FARS2: variants seen among roughly 807,000 people sequenced by gnomAD.
FARS2 encodes the protein phenylalanine--tRNA ligase, mitochondrial.
A neutral mutation model predicts 46.4 loss-of-function variants in FARS2; 40 were observed. That is an observed-to-expected ratio of 0.86 (90% confidence interval 0.67 to 1.12). The LOEUF is 1.12. Ranked by LOEUF, FARS2 falls within the 50% of genes most tolerant of loss-of-function variation. FARS2 has a pLI of 0.00. For missense variants in FARS2, 513 were observed against 567.9 expected (o/e 0.90, Z 0.98); for synonymous variants, 234 against 214.9 (o/e 1.09, Z -0.78).
At chr6:5,597,323 A>G in intron 5 of FARS2, among the ~76,000 whole-genome samples, 1 of 152,180 alleles carries the variant, frequency 6.6e-6, no homozygotes, top group East Asian at 1.9e-4. Flanking sequence ...ACTTTGGGCC[A>G]TGTTTGCCAA....
chr6:5,677,370 G>A (rs978947043), intron 6 of FARS2, among the ~76,000 whole-genome samples: 5 of 152,206 alleles, frequency 3.3e-5, no homozygotes, highest in African/African-American at 1.2e-4. Flanking sequence ...TCTCTGGCAA[G>A]GTACAAATGC....
At chr6:5,753,683 A>G (rs1762065421) in intron 6 of FARS2, among the ~76,000 whole-genome samples, 2 of 152,184 alleles carry the variant, frequency 1.3e-5, no homozygotes, top group Admixed American at 1.3e-4. Flanking sequence ...GATTTTTCCT[A>G]TGACCAGAGG....
chr6:5,705,440 A>T (rs1283643197), intron 6 of FARS2, among the ~76,000 whole-genome samples: 1 of 152,162 alleles, frequency 6.6e-6, no homozygotes, highest in Non-Finnish European at 1.5e-5. Context: ...ATGGCGCTTC[A>T]CACAGGTGGG....
Position 5,729,179 on chromosome 6 carries a change from A to C in FARS2, c.1218-42112A>C, listed in dbSNP as rs564308338. On this transcript the variant is annotated intron_variant, in intron 6 of 6. Transcript: ENST00000274680. The stretch of plus-strand genomic sequence containing the variant: ...GGAATCAATCTTCCTGCTGCAGGAA[A>C]GAGCCAGGCCCTGGGCAGCTGGTGT... Among the ~76,000 whole-genome samples, 7 of 152,354 alleles carry C rather than the reference A, an allele frequency of 4.6e-5. No homozygotes were observed. In the South Asian group the frequency reaches 1.2e-3, roughly 27 times the overall value.
At chr6:5,546,480 G>A (rs1038621202) in intron 5 of FARS2, among the ~76,000 whole-genome samples, 8 of 151,556 alleles carry the variant, frequency 5.3e-5, no homozygotes, top group Non-Finnish European at 8.8e-5. Context: ...TCAAACTCCT[G>A]ACCTTGTGAT....
chr6:5,532,806 A>G (rs1402565944), intron 4 of FARS2, among the ~76,000 whole-genome samples: 2 of 151,864 alleles, frequency 1.3e-5, no homozygotes, highest in Admixed American at 1.3e-4. Flanking sequence ...AAGAAGAAGA[A>G]GAAGAATGTT....
intron 6 of FARS2, among the ~76,000 whole-genome samples, chr6:5,724,992 C>A (rs1176419569): frequency 6.6e-6 from 1 of 152,224 alleles, no homozygotes; most frequent in Non-Finnish European, 1.5e-5. Context: ...AATAATCACA[C>A]AAAATTCTAA....
intron 1 of FARS2, among the ~76,000 whole-genome samples, chr6:5,341,332 C>G (rs1771637435): frequency 7.3e-6 from 1 of 137,826 alleles, no homozygotes; most frequent in South Asian, 2.4e-4. Flanking sequence ...TTTGACAGCT[C>G]CCCCCTCCCT....
intron 2 of FARS2, among the ~76,000 whole-genome samples, chr6:5,372,355 T>C (rs1561993007): frequency 2.0e-5 from 3 of 152,134 alleles, no homozygotes; most frequent in Non-Finnish European, 2.9e-5. Context: ...TACACAATTA[T>C]ATATGTATAT....
intron 1 of FARS2, among the ~76,000 whole-genome samples, chr6:5,347,542 A>G (rs959372657): frequency 8.6e-5 from 13 of 152,034 alleles, no homozygotes; most frequent in Non-Finnish European, 1.3e-4. Flanking sequence ...CATTTTATGA[A>G]TATACCACTG....
chr6:5,771,267 C>A (rs895849223), intron 6 of FARS2, 24 bp from the exon 7 acceptor site: 19 of 1,613,808 alleles, frequency 1.2e-5, no homozygotes, highest in East Asian at 1.1e-4. Flanking sequence ...CCCGCACTCA[C>A]CTGTGTTCTC....
chr6:5,602,645 CAAAAAAAAAAAA>C (rs55712653), intron 5 of FARS2, among the ~76,000 whole-genome samples: 2,057 of 72,264 alleles, frequency 0.028, 79 homozygotes, highest in African/African-American at 0.082. Context: ...GACTCCGTCT[CAAAAAAAAAAAA>C]AAAAAAAAAA....
At chr6:5,642,879 A>T (rs1368154564) in intron 6 of FARS2, among the ~76,000 whole-genome samples, 2 of 152,198 alleles carry the variant, frequency 1.3e-5, no homozygotes, top group Non-Finnish European at 2.9e-5. Context: ...AGACCATTTG[A>T]TGTCTTCGAA....
At chr6:5,351,291 T>A (rs797139) in intron 1 of FARS2, among the ~76,000 whole-genome samples, 70,046 of 152,064 alleles carry the variant, frequency 0.46, 18,184 homozygotes, top group African/African-American at 0.72. Context: ...GCATGAATAC[T>A]TGCTTTTACT....
intron 4 of FARS2, among the ~76,000 whole-genome samples, chr6:5,463,828 TTC>T: frequency 6.6e-6 from 1 of 152,344 alleles, no homozygotes; most frequent in East Asian, 1.9e-4. Context: ...CTGCATTTCT[TTC>T]ATTTTCCTTC....
At position 5,702,891 on chromosome 6, in the gene FARS2, C is replaced by T. The variant is rs118113860; in HGVS notation, c.1218-68400C>T. Among the ~76,000 whole-genome samples, 46 of 152,220 alleles carry T rather than the reference C, an allele frequency of 3.0e-4. 2 individuals carry two copies. The East Asian group carries it at 8.9e-3, about 29-fold the overall frequency. On this transcript the variant is annotated intron_variant, in intron 6 of 6. Transcript: ENST00000274680. ...CTTGGGGGGACTTATCTTTCCTGTA[C>T]CCCCTGGGATGTCACTGTGTTCACC...
At chr6:5,502,966 G>T (rs1767887312) in intron 4 of FARS2, among the ~76,000 whole-genome samples, 1 of 151,928 alleles carries the variant, frequency 6.6e-6, no homozygotes, top group African/African-American at 2.4e-5. Flanking sequence ...TTTTGTCAAA[G>T]GTAACACACC....
At chr6:5,699,762 G>A (rs1464850622) in intron 6 of FARS2, among the ~76,000 whole-genome samples, 1 of 152,170 alleles carries the variant, frequency 6.6e-6, no homozygotes, top group African/African-American at 2.4e-5. Flanking sequence ...AAGCACTTAT[G>A]CCTAGTACTG....
At chr6:5,360,351 C>T (rs906620321) in intron 1 of FARS2, among the ~76,000 whole-genome samples, 3 of 152,116 alleles carry the variant, frequency 2.0e-5, no homozygotes, top group African/African-American at 7.2e-5. Flanking sequence ...TGTGCCTGAC[C>T]ATCTTATAGA....
Sources: gnomAD v4.1 joint callset for allele counts (sites outside exome capture counted in the v4.1 genomes callset) on GRCh38, gnomAD v4.1.1 for gene constraint, MANE v1.5 for transcripts, NCBI Gene and HGNC (gene_info 2026-07-23, HGNC 2026-07-21) for gene names.